NT5E: variants seen among roughly 807,000 people sequenced by gnomAD.
NT5E encodes the protein 5'-nucleotidase ecto, also known as 5'-nucleotidase.
Under a neutral mutation model 55.1 loss-of-function variants are expected in NT5E, and 53 were observed. That is an observed-to-expected ratio of 0.96 (90% CI 0.77 to 1.21). The LOEUF (loss-of-function observed/expected upper bound fraction) is 1.21, where lower values mean the gene tolerates loss of function less well. Among genes scored for constraint, NT5E ranks in the 50% most tolerant of loss-of-function variants. The pLI, the probability that NT5E is intolerant of heterozygous loss-of-function variation, is 0.00. For missense variants in NT5E, 683 were observed against 724.3 expected, an observed-to-expected ratio of 0.94 and a Z score of 0.65; for synonymous variants, 270 against 278.4, an observed-to-expected ratio of 0.97 and a Z score of 0.30.
At chr6:85,482,950 A>C (rs1351633661) in intron 3 of NT5E, among the ~76,000 whole-genome samples, 1 of 152,200 alleles carries the variant, frequency 6.6e-6, no homozygotes, top group African/African-American at 2.4e-5. Context: ...CATGGATAGC[A>C]TCTTCCTTCT....
chr6:85,493,977 G>A lies in NT5E; in HGVS notation c.1698G>A (p.Trp566Ter). 1 of 1,613,786 alleles carries A rather than the reference G, an allele frequency of 6.2e-7. No homozygotes were observed. The highest frequency in any genetic ancestry group is 8.5e-7 in the Non-Finnish European group (1 of 1,179,916). The part of the protein sequence containing the change: ...GSFSLIFLSL[W>*]AVIFVLYQ ...TTTCTTTAATATTTCTTTCACTTTG[G>A]GCAGTGATCTTTGTTTTATACCAAT... Residue 566 changes from tryptophan to a stop codon, truncating the protein, a stop_gained, in exon 9 of 9, where the codon TGG (tryptophan) becomes TGA (stop). Transcript: ENST00000257770. LOFTEE classifies it high-confidence loss of function.
At chr6:85,481,036 CAT>C (rs1441640499) in intron 3 of NT5E, among the ~76,000 whole-genome samples, 1 of 152,100 alleles carries the variant, frequency 6.6e-6, no homozygotes, top group Non-Finnish European at 1.5e-5. Context: ...GGCACTCAGG[CAT>C]CGCTGGCTTC....
At chr6:85,459,649 A>C (rs1769053965) in intron 1 of NT5E, among the ~76,000 whole-genome samples, 1 of 152,206 alleles carries the variant, frequency 6.6e-6, no homozygotes, top group African/African-American at 2.4e-5. Context: ...TAAAGCCAAA[A>C]CCAAATGAAA....
chr6:85,480,022 A>G (rs1304559436), intron 3 of NT5E, among the ~76,000 whole-genome samples: 5 of 152,204 alleles, frequency 3.3e-5, no homozygotes. Flanking sequence ...TGGAGCAGCC[A>G]TTACAAAAGA....
At chr6:85,471,161 T>A in intron 2 of NT5E, 76 bp from the exon 3 acceptor site, 1 of 1,019,506 alleles carries the variant, frequency 9.8e-7, no homozygotes, top group East Asian at 2.7e-5. Context: ...GTTTAACCTT[T>A]GCATGTTAAT....
At chr6:85,451,628 G>A (rs1309196057) in intron 1 of NT5E, among the ~76,000 whole-genome samples, 1 of 152,144 alleles carries the variant, frequency 6.6e-6, no homozygotes, top group Non-Finnish European at 1.5e-5. Context: ...AGGAAGAACT[G>A]AGAAATCTCC....
At position 85,450,140 on chromosome 6, in the gene NT5E, A is replaced by ATGTGTCC; in HGVS notation, c.2_8dup (p.Arg4_?3). 6.4e-7 allele frequency: 1 copy of ATGTGTCC among 1,569,256 alleles called. No individual in the cohort carries two copies. The highest frequency in any genetic ancestry group is 8.6e-7 in the Non-Finnish European group (1 of 1,160,802). On this transcript the variant is annotated frameshift_variant and start_lost, in exon 1 of 9. Transcript: ENST00000257770. LOFTEE classifies it high-confidence loss of function. The surrounding 1 kb of genome is among the most constrained non-coding windows in gnomAD (Gnocchi z 4.0). ...CGCACCCAGTTCACGCGCCACAGCT[A>ATGTGTCC]TGTGTCCCCGAGCCGCGCGGGCGCC... is the stretch of plus-strand genomic sequence containing the variant.
intron 5 of NT5E, among the ~76,000 whole-genome samples, chr6:85,488,190 C>T (rs1033562495): frequency 1.3e-5 from 2 of 152,148 alleles, no homozygotes; most frequent in African/African-American, 4.8e-5. Context: ...TGTCACCAGG[C>T]GGAATGGCCA....
intron 6 of NT5E, 93 bp from the exon 7 acceptor site, chr6:85,490,412 CCCT>C: frequency 7.3e-7 from 1 of 1,370,640 alleles, no homozygotes; most frequent in Non-Finnish European, 1.0e-6. Flanking sequence ...TCCCATGTCC[CCCT>C]CATTTCTTCC....
At chr6:85,471,586 G>A (rs1769309074) in intron 3 of NT5E, 161 bp downstream of exon 3, 4 of 360,650 alleles carry the variant, frequency 1.1e-5, no homozygotes, top group Non-Finnish European at 2.0e-5. Flanking sequence ...GGGAACATGT[G>A]CAAATCTTAC....
At chr6:85,464,167 G>A (rs748562073) in intron 1 of NT5E, among the ~76,000 whole-genome samples, 3 of 145,768 alleles carry the variant, frequency 2.1e-5, no homozygotes, top group Non-Finnish European at 4.5e-5. Context: ...GAATCAAACC[G>A]AAGTGGTTCT....
rs1415950292 is a variant in NT5E at position 85,492,143 on chromosome 6, G to C, written c.1527G>C (p.Gln509His). ...NFLANGGDGF[Q>H]MIKDELLRHD... ...TGGCCAATGGTGGAGATGGGTTCCAGATGATAAAAGATGAATTATTAAGAC... is the reference window on the plus strand; with the variant it reads ...TGGCCAATGGTGGAGATGGGTTCCACATGATAAAAGATGAATTATTAAGAC... The change falls in exon 8 of 9, where the codon CAG becomes CAC. Residue 509 changes from glutamine (Q) to histidine (H), a missense_variant. By Grantham distance (24) the Gln-to-His change is conservative. Transcript: ENST00000257770. The C allele has an allele frequency of 1.2e-6, 2 of 1,613,696 alleles. No individual in the cohort carries two copies. Among genetic ancestry groups the C allele is most frequent in the Non-Finnish European group, 1.7e-6 (2 of 1,179,758 alleles).
intron 3 of NT5E, among the ~76,000 whole-genome samples, chr6:85,482,333 T>A (rs918012667): frequency 6.9e-6 from 1 of 145,264 alleles, no homozygotes; most frequent in African/African-American, 2.6e-5. Flanking sequence ...AATGAGACCC[T>A]GTTGAAAGAG....
intron 5 of NT5E, among the ~76,000 whole-genome samples, chr6:85,488,881 CTTT>C (rs71679910): frequency 7.8e-5 from 8 of 102,680 alleles, no homozygotes; most frequent in African/African-American, 2.3e-4. Context: ...TATGCCTGGC[CTTT>C]TTTTTTTTTT....
intron 3 of NT5E, among the ~76,000 whole-genome samples, chr6:85,475,493 C>G (rs1320890449): frequency 2.0e-5 from 3 of 152,230 alleles, no homozygotes; most frequent in Non-Finnish European, 4.4e-5. Context: ...GGGAACTTCC[C>G]TCTACAAGGC....
In NT5E at chr6:85,471,310, G is replaced by A. The variant is rs756619079; in HGVS notation, c.636G>A (p.Val212=). Residue 212 remains valine (V), a synonymous_variant, in exon 3 of 9, where the codon GTG becomes GTA. Coordinates refer to ENST00000257770, the MANE Select transcript of NT5E (RefSeq NM_002526.4). ...PEVDKLKTLN[V]NKIIALGHSG... is the part of the protein sequence containing the mutation. ...TAGATAAGTTAAAAACTCTAAATGT[G>A]AACAAAATTATTGCACTGGGACATT... The A allele has an allele frequency of 1.9e-6, 3 of 1,612,956 alleles. No homozygotes were observed. Among genetic ancestry groups the A allele is most frequent in the Non-Finnish European group, 2.5e-6 (3 of 1,179,190 alleles).
chr6:85,462,444 G>T (rs1769115975), intron 1 of NT5E, among the ~76,000 whole-genome samples: 1 of 152,088 alleles, frequency 6.6e-6, no homozygotes, highest in South Asian at 2.1e-4. Flanking sequence ...AAATCACCTG[G>T]ATGCCATGAG....
At chr6:85,467,632 C>T (rs1434462327) in intron 2 of NT5E, among the ~76,000 whole-genome samples, 1 of 152,180 alleles carries the variant, frequency 6.6e-6, no homozygotes, top group African/African-American at 2.4e-5. Flanking sequence ...TCCTGTGGAG[C>T]CATGAGCACA....
intron 3 of NT5E, among the ~76,000 whole-genome samples, chr6:85,483,590 G>A (rs1326197223): frequency 2.0e-5 from 3 of 152,102 alleles, no homozygotes; most frequent in Non-Finnish European, 2.9e-5. Context: ...TTTTTCCCCA[G>A]TGACAGCAAG....
Sources: allele counts gnomAD v4.1 joint callset (sites outside exome capture counted in the v4.1 genomes callset), GRCh38; gene constraint gnomAD v4.1.1; non-coding constraint Gnocchi (gnomAD v3.1); transcripts MANE v1.5; gene names NCBI Gene and HGNC (gene_info 2026-07-23, HGNC 2026-07-21).